Variants in AKR1E2 observed in about 807,000 individuals in gnomAD.
AKR1E2 encodes the protein 1,5-anhydro-D-fructose reductase.
In AKR1E2, 43 loss-of-function variants were observed where a neutral mutation model predicts 41.9. The ratio of observed to expected loss-of-function variants is 1.03; its 90% CI spans 0.80 to 1.32. The LOEUF is 1.32. Ranked by LOEUF, AKR1E2 falls within the 40% of genes most tolerant of loss-of-function variation. The pLI is 0.00. For synonymous variants in AKR1E2, 121 were observed against 138.9 expected (o/e 0.87, Z 0.91); for missense variants, 423 against 396.5 (o/e 1.07, Z -0.57).
chr10:4,851,531 G>T (rs1342004503), downstream of AKR1E2, among the ~76,000 whole-genome samples: 1 of 152,316 alleles, frequency 6.6e-6, no homozygotes, highest in East Asian at 1.9e-4. Flanking sequence ...CTTCTGTCAC[G>T]TATCGCCTCT....
chr10:4,853,977 A>G, the AKR1E2 span, among the ~76,000 whole-genome samples: 1 of 152,136 alleles, frequency 6.6e-6, no homozygotes, highest in Non-Finnish European at 1.5e-5. Flanking sequence ...GGCAGAAATA[A>G]TGTACTCCTT....
chr10:4,848,080 T>TTTG (rs1834452243), downstream of AKR1E2: 1 of 27,442 alleles, frequency 3.6e-5, no homozygotes, highest in Non-Finnish European at 1.3e-4. Flanking sequence ...TTTAATTTCT[T>TTTG]TTTTTTTTTT....
chr10:4,866,960 G>A, the AKR1E2 span, among the ~76,000 whole-genome samples: 69 of 152,210 alleles, frequency 4.5e-4, no homozygotes, highest in African/African-American at 4.8e-5. Context: ...AGTTTACGGA[G>A]GGTCAGAATC....
intron 1 of AKR1E2, among the ~76,000 whole-genome samples, chr10:4,827,008 C>T (rs544400625): frequency 6.9e-5 from 10 of 145,688 alleles, no homozygotes; most frequent in African/African-American, 2.5e-4. Flanking sequence ...ACCAGGAAGT[C>T]GATGCTGCAG....
the AKR1E2 span, among the ~76,000 whole-genome samples, chr10:4,854,716 A>G: frequency 6.6e-6 from 1 of 152,258 alleles, no homozygotes; most frequent in Admixed American, 6.5e-5. Context: ...GTGTATACCC[A>G]GGTAAAGAAT....
rs773584514 is a variant in AKR1E2 at position 4,847,580 on chromosome 10, T to C, written c.*50T>C. 3.8e-6 allele frequency: 6 copies of C among 1,593,332 alleles called. No homozygotes were observed. Among genetic ancestry groups the C allele is most frequent in the Middle Eastern group, 1.7e-4 (1 of 6,036 alleles). On this transcript the variant is annotated 3_prime_UTR_variant, in exon 10 of 10. Transcript: ENST00000298375. ...GCTCAGCCCAGATGCACAGACACTATTGGCAATGTTGACCCTCCTCTGTCA... is the reference window on the plus strand; with the variant it reads ...GCTCAGCCCAGATGCACAGACACTACTGGCAATGTTGACCCTCCTCTGTCA...
At chr10:4,831,126 A>G (rs1832936424) in intron 2 of AKR1E2, among the ~76,000 whole-genome samples, 1 of 152,226 alleles carries the variant, frequency 6.6e-6, no homozygotes, top group African/African-American at 2.4e-5. Context: ...GAATAGGACA[A>G]AGTCCTAGCC....
chr10:4,863,749 A>G, the AKR1E2 span, among the ~76,000 whole-genome samples: 1 of 150,708 alleles, frequency 6.6e-6, no homozygotes, highest in African/African-American at 2.5e-5. Flanking sequence ...GAAGAATCAA[A>G]TAGATGCAAT....
the AKR1E2 span, among the ~76,000 whole-genome samples, chr10:4,867,386 A>G: frequency 6.6e-6 from 1 of 152,154 alleles, no homozygotes; most frequent in Non-Finnish European, 1.5e-5. Context: ...GGTACAAAAC[A>G]TTTCCGTCAC....
rs764419390 is a variant in AKR1E2 at position 4,847,480 on chromosome 10, T to G, written c.921-8T>G. The G allele has an allele frequency of 6.2e-7, 1 of 1,611,254 alleles. No individual in the cohort carries two copies. The highest frequency in any genetic ancestry group is 1.7e-5 in the Admixed American group (1 of 59,454). On this transcript the variant is annotated splice_region_variant and splice_polypyrimidine_tract_variant and intron_variant, in intron 9 of 9. Transcript: ENST00000298375. ...TTCCTATTTTTGATTTGTTTTTCTG[T>G]TTTTCAGAACTAAAAATCACAAAGA...
downstream of AKR1E2, among the ~76,000 whole-genome samples, chr10:4,852,818 T>C (rs948879200): frequency 5.3e-5 from 8 of 152,180 alleles, no homozygotes; most frequent in African/African-American, 1.9e-4. Context: ...TTTTAGAGGC[T>C]AGAAGTCTAG....
At chr10:4,852,945 G>A (rs1209360274), downstream of AKR1E2, among the ~76,000 whole-genome samples, 1 of 152,142 alleles carries the variant, frequency 6.6e-6, no homozygotes. Context: ...ATATTTTAAA[G>A]CTGAAGAGAT....
Position 4,835,671 on chromosome 10 carries a change from G to A in AKR1E2, c.325-4G>A, listed in dbSNP as rs575326393. The A allele has an allele frequency of 1.2e-5, 20 of 1,612,658 alleles. No individual in the cohort carries two copies. Among genetic ancestry groups the A allele is most frequent in the South Asian group, 2.2e-5 (2 of 90,932 alleles). On this transcript the variant is annotated splice_region_variant and splice_polypyrimidine_tract_variant and intron_variant, in intron 3 of 9. Coordinates refer to ENST00000298375, the MANE Select transcript of AKR1E2 (RefSeq NM_001040177.3). ...TCACACATCTCAACTCTCCTTCTTC[G>A]CAGCCTCCTCATCCAGAATGGATCA...
At chr10:4,853,910 C>T in the AKR1E2 span, among the ~76,000 whole-genome samples, 1 of 151,584 alleles carries the variant, frequency 6.6e-6, no homozygotes, top group East Asian at 1.9e-4. Context: ...CAATGCTACA[C>T]TCCCACCAGC....
At chr10:4,860,548 A>G in the AKR1E2 span, among the ~76,000 whole-genome samples, 1 of 152,230 alleles carries the variant, frequency 6.6e-6, no homozygotes, top group Non-Finnish European at 1.5e-5. Context: ...CACCTCTATC[A>G]GTAAAGCTTT....
chr10:4,855,048 A>C, the AKR1E2 span, among the ~76,000 whole-genome samples: 1 of 152,158 alleles, frequency 6.6e-6, no homozygotes, highest in Non-Finnish European at 1.5e-5. Flanking sequence ...TTGAGAGCTG[A>C]TGGGACTGCT....
the AKR1E2 span, among the ~76,000 whole-genome samples, chr10:4,872,462 G>C: frequency 1.3e-5 from 2 of 152,020 alleles, no homozygotes; most frequent in Admixed American, 1.3e-4. Flanking sequence ...ACTTCAATGG[G>C]GTAGTTCCAT....
At chr10:4,832,519 C>T (rs940740968) in intron 2 of AKR1E2, among the ~76,000 whole-genome samples, 4 of 151,932 alleles carry the variant, frequency 2.6e-5, no homozygotes, top group African/African-American at 7.3e-5. Context: ...CTGTGTGGAT[C>T]GTAGTCAGCA....
At chr10:4,826,408 G>T in intron 1 of AKR1E2, 45 bp downstream of exon 1, 1 of 1,230,774 alleles carries the variant, frequency 8.1e-7, no homozygotes. Flanking sequence ...CTAGGGGAGC[G>T]CGGGACTTGG....
Sources: gnomAD v4.1 joint callset for allele counts (sites outside exome capture counted in the v4.1 genomes callset) on GRCh38, gnomAD v4.1.1 for gene constraint, MANE v1.5 for transcripts, NCBI Gene and HGNC (gene_info 2026-07-23, HGNC 2026-07-21) for gene names.